The following WAC variants were observed in gnomAD, a reference collection of about 807,000 sequenced individuals.
The protein encoded by WAC is WW domain-containing adapter protein with coiled-coil.
Under a neutral mutation model 79.6 loss-of-function variants are expected in WAC, and 11 were observed. The observed-to-expected ratio is 0.14, with a 90% CI of 0.09 to 0.23. The LOEUF is 0.23. Ranked by LOEUF, WAC falls within the 10% of genes least tolerant of loss-of-function variation. WAC has a pLI of 1.00. For synonymous variants in WAC, 304 were observed against 276.9 expected, an observed-to-expected ratio of 1.10 and a Z score of -0.97; for missense variants, 728 against 773.5, an observed-to-expected ratio of 0.94 and a Z score of 0.70.
intron 3 of WAC, among the ~76,000 whole-genome samples, chr10:28,573,709 T>G (rs550251622): frequency 6.6e-6 from 1 of 152,304 alleles, no homozygotes; most frequent in Admixed American, 6.5e-5. Flanking sequence ...GGCGTAAGTT[T>G]TATTTATGTG....
At chr10:28,609,309 G>A (rs1841110674) in intron 8 of WAC, among the ~76,000 whole-genome samples, 1 of 152,208 alleles carries the variant, frequency 6.6e-6, no homozygotes, top group Admixed American at 6.5e-5. Context: ...GTTGCAGTGA[G>A]CTGAGATGGT....
chr10:28,563,791 G>A (rs1044775445), intron 3 of WAC, among the ~76,000 whole-genome samples: 18 of 110,732 alleles, frequency 1.6e-4, no homozygotes, highest in Non-Finnish European at 3.3e-4. Flanking sequence ...TAGTAGAGAC[G>A]GGGTTTCAAC....
chr10:28,617,128 C>CT (rs1482029814), intron 12 of WAC, among the ~76,000 whole-genome samples: 1 of 152,176 alleles, frequency 6.6e-6, no homozygotes. Flanking sequence ...GACTCTCTCA[C>CT]TAGACTAGCA....
chr10:28,618,228 T>TA (rs1225947059), intron 13 of WAC, among the ~76,000 whole-genome samples: 1 of 152,192 alleles, frequency 6.6e-6, no homozygotes, highest in Non-Finnish European at 1.5e-5. Context: ...TTGTATTTCT[T>TA]AATCTAGTGT....
At chr10:28,551,449 T>TTCA (rs1277724490) in intron 3 of WAC, among the ~76,000 whole-genome samples, 19 of 152,326 alleles carry the variant, frequency 1.2e-4, no homozygotes, top group Admixed American at 7.2e-4. Context: ...GCATATAAGC[T>TTCA]ATTATAATCG....
chr10:28,620,975 AG>A lies in WAC; in HGVS notation c.*1370del, dbSNP rs1176929591. 1 of 152,144 alleles carries A rather than the reference AG, an allele frequency of 6.6e-6. No homozygotes were observed. The highest frequency in any genetic ancestry group is 1.5e-5 in the Non-Finnish European group (1 of 68,014). The allele number at this position is 152,144 out of a possible 1,614,324, so 9.4% of individuals were successfully genotyped here. A position where few individuals can be genotyped will look rare whatever the true frequency, so the allele number is the denominator to read the frequency against. On this transcript the variant is annotated 3_prime_UTR_variant, in exon 14 of 14. Coordinates refer to ENST00000354911, the MANE Select transcript of WAC (RefSeq NM_016628.5). ...TCCTAAAGTATATTAAAATAAAAAAAGAAACTATTGCTACTATAAAATTACC... is the reference window on the plus strand; with the variant it reads ...TCCTAAAGTATATTAAAATAAAAAAAAAACTATTGCTACTATAAAATTACC...
At chr10:28,549,121 ACTC>A (rs970954191) in intron 3 of WAC, among the ~76,000 whole-genome samples, 1 of 151,770 alleles carries the variant, frequency 6.6e-6, no homozygotes, top group Non-Finnish European at 1.5e-5. Flanking sequence ...CTGGTCTTGA[ACTC>A]CTGGCTTTAA....
At chr10:28,546,008 T>C (rs1837331509) in intron 3 of WAC, among the ~76,000 whole-genome samples, 1 of 152,240 alleles carries the variant, frequency 6.6e-6, no homozygotes, top group Admixed American at 6.5e-5. Flanking sequence ...TCTTAGGTGT[T>C]AACAAAAGAT....
chr10:28,588,737 T>G (rs191222869), intron 4 of WAC: 18 of 152,330 alleles, frequency 1.2e-4, no homozygotes, highest in Non-Finnish European at 2.5e-4. Flanking sequence ...TATTTTTTAA[T>G]TTTTCTAAAT....
intron 7 of WAC, among the ~76,000 whole-genome samples, chr10:28,596,632 A>G (rs1840383732): frequency 6.6e-6 from 1 of 152,224 alleles, no homozygotes; most frequent in African/African-American, 2.4e-5. Context: ...TTTAAGAACA[A>G]CTACTTGGAA....
chr10:28,558,753 C>T (rs147578303), intron 3 of WAC, among the ~76,000 whole-genome samples: 1 of 152,114 alleles, frequency 6.6e-6, no homozygotes, highest in South Asian at 2.1e-4. Context: ...TCAAGAAATT[C>T]AAGGAATCCA....
intron 4 of WAC, among the ~76,000 whole-genome samples, 154 bp downstream of exon 4, chr10:28,583,659 T>G (rs1839657909): frequency 6.6e-6 from 1 of 152,122 alleles, no homozygotes; most frequent in African/African-American, 2.4e-5. Flanking sequence ...GATATTATTA[T>G]TATCCTATTT....
chr10:28,612,234 C>A (rs1420135192), intron 10 of WAC, among the ~76,000 whole-genome samples: 3 of 152,192 alleles, frequency 2.0e-5, no homozygotes, highest in Admixed American at 6.5e-5. Flanking sequence ...CTCCAAAAGA[C>A]ATGAATGAAC....
intron 3 of WAC, among the ~76,000 whole-genome samples, chr10:28,582,304 C>T (rs1033067643): frequency 2.6e-5 from 4 of 152,230 alleles, no homozygotes; most frequent in Non-Finnish European, 4.4e-5. Context: ...CTACTTAACA[C>T]CTTTTCTTCT....
intron 3 of WAC, among the ~76,000 whole-genome samples, chr10:28,579,737 A>T (rs1454001406): frequency 1.3e-5 from 2 of 152,226 alleles, no homozygotes; most frequent in Non-Finnish European, 1.5e-5. Flanking sequence ...AAAGAGATAC[A>T]CGGAGAAAGT....
chr10:28,578,380 A>C (rs1400960350), intron 3 of WAC, among the ~76,000 whole-genome samples: 2 of 152,168 alleles, frequency 1.3e-5, no homozygotes, highest in Non-Finnish European at 2.9e-5. Flanking sequence ...TAGTGTCTTA[A>C]AGAGAATAAA....
intron 3 of WAC, among the ~76,000 whole-genome samples, chr10:28,550,386 G>C (rs1435343232): frequency 7.5e-6 from 1 of 133,970 alleles, no homozygotes; most frequent in Admixed American, 7.8e-5. Flanking sequence ...TTTTTCCTTT[G>C]CCAAACCTCT....
intron 7 of WAC, among the ~76,000 whole-genome samples, chr10:28,606,487 A>C (rs1840959015): frequency 6.6e-6 from 1 of 152,206 alleles, no homozygotes. Flanking sequence ...ACGCAAATAA[A>C]AATATCTTAG....
At chr10:28,582,252 C>T (rs1483776787) in intron 3 of WAC, among the ~76,000 whole-genome samples, 1 of 152,192 alleles carries the variant, frequency 6.6e-6, no homozygotes, top group African/African-American at 2.4e-5. Context: ...AGTCACCTCT[C>T]CTACCTTTGA....
Sources: gnomAD v4.1 joint callset for allele counts (sites outside exome capture counted in the v4.1 genomes callset) on GRCh38, gnomAD v4.1.1 for gene constraint, MANE v1.5 for transcripts, NCBI Gene and HGNC (gene_info 2026-07-23, HGNC 2026-07-21) for gene names.